RGS6: variants seen among roughly 807,000 people sequenced by gnomAD.
RGS6 encodes the protein regulator of G-protein signaling 6.
In RGS6, 30 loss-of-function variants were observed where a neutral mutation model predicts 78.5. The observed-to-expected ratio is 0.38, with a 90% CI of 0.29 to 0.52. RGS6 has a LOEUF of 0.52. Ranked by LOEUF, RGS6 falls within the 20% of genes least tolerant of loss-of-function variation. The pLI is 0.85. For synonymous variants in RGS6, 206 were observed against 206.0 expected, an observed-to-expected ratio of 1.00 and a Z score of 0.00; for missense variants, 495 against 609.7, an observed-to-expected ratio of 0.81 and a Z score of 1.98.
intron 2 of RGS6, among the ~76,000 whole-genome samples, chr14:72,138,449 G>GTTTTTTTTTT (rs71448384): frequency 1.2e-5 from 1 of 86,648 alleles, no homozygotes; most frequent in Non-Finnish European, 2.2e-5. Flanking sequence ...ACCTGTACCT[G>GTTTTTTTTTT]TTTTTTTTTT....
At chr14:72,184,369 AAC>A (rs10638767) in intron 2 of RGS6, among the ~76,000 whole-genome samples, 4,034 of 141,314 alleles carry the variant, frequency 0.029, 134 homozygotes, top group African/African-American at 0.088. Flanking sequence ...TTTACTTTCA[AAC>A]ACACACACAC....
At chr14:72,089,229 TACTC>T (rs2095175423) in intron 2 of RGS6, among the ~76,000 whole-genome samples, 1 of 152,228 alleles carries the variant, frequency 6.6e-6, no homozygotes, top group South Asian at 2.1e-4. Context: ...AATTAAAACA[TACTC>T]ACTGCATGCC....
At chr14:72,451,099 T>C (rs926999544) in intron 3 of RGS6, among the ~76,000 whole-genome samples, 1 of 151,904 alleles carries the variant, frequency 6.6e-6, no homozygotes, top group Admixed American at 6.6e-5. Flanking sequence ...TGAAATGGAG[T>C]CTACCAAGCA....
chr14:72,231,871 C>CA lies in RGS6; in HGVS notation c.85-120222dup, dbSNP rs567380751. ...GTGGGGGATGAACTGGGATAGGTTG[C>CA]AACAAGGAGCCATGTTGGGTGTGGT... On this transcript the variant is annotated intron_variant, in intron 2 of 17. Transcript: ENST00000553525. 1.5e-3 allele frequency among the ~76,000 whole-genome samples: 230 copies of CA among 152,134 alleles called. 3 individuals are homozygous for CA. In the Middle Eastern group the frequency reaches 0.017, roughly 11 times the overall value.
intron 13 of RGS6, among the ~76,000 whole-genome samples, chr14:72,499,412 T>C (rs1041373252): frequency 6.6e-6 from 1 of 152,190 alleles, no homozygotes; most frequent in African/African-American, 2.4e-5. Flanking sequence ...GCCCCTTGTC[T>C]GATGCCACCC....
At chr14:71,911,454 C>T in the RGS6 span, among the ~76,000 whole-genome samples, 3 of 152,152 alleles carry the variant, frequency 2.0e-5, no homozygotes, top group Non-Finnish European at 2.9e-5. Flanking sequence ...GTTTGAAATA[C>T]GGAGAAATAT....
chr14:72,009,365 A>C (rs962537445), intron 2 of RGS6, among the ~76,000 whole-genome samples: 4 of 151,758 alleles, frequency 2.6e-5, no homozygotes, highest in Admixed American at 1.3e-4. Context: ...CTAAAAAAAA[A>C]CAGACAAAAA....
intron 2 of RGS6, among the ~76,000 whole-genome samples, chr14:72,092,881 C>T (rs1007547679): frequency 3.9e-5 from 6 of 152,142 alleles, no homozygotes; most frequent in East Asian, 1.9e-4. Flanking sequence ...GAAGTCCATA[C>T]GTTTTTCATT....
Position 72,294,151 on chromosome 14 carries a change from A to C in RGS6, c.85-57944A>C, listed in dbSNP as rs560911986. Among the ~76,000 whole-genome samples the C allele has an allele frequency of 7.9e-4, 121 of 152,358 alleles. 3 individuals are homozygous for C. The South Asian group carries it at 0.025, about 31-fold the overall frequency. The stretch of plus-strand genomic sequence containing the variant: ...TTGTTCACAGGCTGTCTCCAACCAG[A>C]ATAAGCACATTTCCTAATGGATTAG... On this transcript the variant is annotated intron_variant, in intron 2 of 17. Transcript: ENST00000553525.
At chr14:71,977,738 C>T (rs1242488917) in intron 2 of RGS6, among the ~76,000 whole-genome samples, 14 of 151,566 alleles carry the variant, frequency 9.2e-5, no homozygotes, top group African/African-American at 2.2e-4. Context: ...ATTGCCTTGG[C>T]GATGCGGGCT....
At chr14:72,334,715 G>A (rs1195984428) in intron 2 of RGS6, among the ~76,000 whole-genome samples, 1 of 152,158 alleles carries the variant, frequency 6.6e-6, no homozygotes, top group Non-Finnish European at 1.5e-5. Flanking sequence ...AGAACTACTT[G>A]CAGAGAAGCC....
At chr14:72,493,095 C>T (rs996343908) in intron 12 of RGS6, among the ~76,000 whole-genome samples, 3 of 152,120 alleles carry the variant, frequency 2.0e-5, no homozygotes, top group Non-Finnish European at 2.9e-5. Context: ...AGTGACAAGC[C>T]CCATCCACAC....
chr14:72,177,006 C>CT (rs1598892806), intron 2 of RGS6, among the ~76,000 whole-genome samples: 1 of 152,024 alleles, frequency 6.6e-6, no homozygotes, highest in African/African-American at 2.4e-5. Context: ...TTTTTTGTGT[C>CT]TGACTTTCTT....
At chr14:72,401,255 T>G (rs557542061) in intron 3 of RGS6, among the ~76,000 whole-genome samples, 9 of 152,092 alleles carry the variant, frequency 5.9e-5, no homozygotes, top group Non-Finnish European at 8.8e-5. Context: ...ACTAAATTCT[T>G]TTTGCGTGCT....
At chr14:71,958,064 C>T (rs559001244) in intron 1 of RGS6, among the ~76,000 whole-genome samples, 2 of 151,972 alleles carry the variant, frequency 1.3e-5, no homozygotes, top group Non-Finnish European at 2.9e-5. Context: ...ATTAGTTTAG[C>T]CTGTCAGGCA....
At chr14:71,936,166 C>T (rs993181224) in intron 1 of RGS6, among the ~76,000 whole-genome samples, 2 of 150,882 alleles carry the variant, frequency 1.3e-5, no homozygotes, top group Admixed American at 6.6e-5. Flanking sequence ...CTTACATGGT[C>T]CCAAGGTCCC....
At chr14:72,601,783 C>T in the RGS6 span, among the ~76,000 whole-genome samples, 2 of 152,366 alleles carry the variant, frequency 1.3e-5, no homozygotes, top group Admixed American at 1.3e-4. Context: ...CTACTAGCCA[C>T]ATTTTCTTGT....
At chr14:72,066,549 C>G (rs1357285649) in intron 2 of RGS6, among the ~76,000 whole-genome samples, 1 of 117,400 alleles carries the variant, frequency 8.5e-6, no homozygotes, top group South Asian at 2.8e-4. Context: ...GCATCTTTCT[C>G]TTTTCAAAGA....
At chr14:71,890,392 G>GAGAGAGAGAA in the RGS6 span, among the ~76,000 whole-genome samples, 1 of 151,800 alleles carries the variant, frequency 6.6e-6, no homozygotes, top group Non-Finnish European at 1.5e-5. Context: ...GAGAGAGAGA[G>GAGAGAGAGAA]AAATCTTGTC....
Sources: allele counts gnomAD v4.1 joint callset (sites outside exome capture counted in the v4.1 genomes callset), GRCh38; gene constraint gnomAD v4.1.1; transcripts MANE v1.5; gene names NCBI Gene and HGNC (gene_info 2026-07-23, HGNC 2026-07-21).